The following GLRB variants were observed in gnomAD, a reference collection of about 807,000 sequenced individuals.
GLRB encodes the protein glycine receptor beta.
In GLRB, 33 loss-of-function variants were observed where a neutral mutation model predicts 54.2. That is an observed-to-expected ratio of 0.61 (90% CI 0.46 to 0.81). The LOEUF (loss-of-function observed/expected upper bound fraction) is 0.81, where lower values mean the gene tolerates loss of function less well. Among genes scored for constraint, GLRB ranks in the 40% least tolerant of loss-of-function variants. The pLI, the probability that GLRB is intolerant of heterozygous loss-of-function variation, is 0.00. For synonymous variants in GLRB, 209 were observed against 208.2 expected (o/e 1.00, Z -0.03); for missense variants, 572 against 584.6 (o/e 0.98, Z 0.22).
At chr4:157,083,632 T>C (rs1156357234) in intron 2 of GLRB, among the ~76,000 whole-genome samples, 3 of 152,178 alleles carry the variant, frequency 2.0e-5, no homozygotes, top group African/African-American at 4.8e-5. Flanking sequence ...TATCATTATC[T>C]AATAGCAAAG....
At chr4:157,160,236 T>G (rs1244275831) in intron 9 of GLRB, among the ~76,000 whole-genome samples, 1 of 151,316 alleles carries the variant, frequency 6.6e-6, no homozygotes, top group African/African-American at 2.5e-5. Flanking sequence ...TCTTCTTTAT[T>G]AGTCTTGCTA....
At chr4:157,159,164 T>C (rs897602871) in intron 9 of GLRB, among the ~76,000 whole-genome samples, 1 of 152,182 alleles carries the variant, frequency 6.6e-6, no homozygotes, top group Non-Finnish European at 1.5e-5. Flanking sequence ...ATGCTTGTGA[T>C]TTTTGCACGT....
At chr4:157,155,916 G>A (rs534499618) in intron 9 of GLRB, among the ~76,000 whole-genome samples, 11 of 151,866 alleles carry the variant, frequency 7.2e-5, no homozygotes, top group South Asian at 6.2e-4. Flanking sequence ...TCAAGACTGC[G>A]ATAACACAAA....
chr4:157,160,675 G>T lies in GLRB; in HGVS notation c.1197+7665G>T, dbSNP rs570094420. ...GTTTCTTAATCCTGAGTTCTAGTTTGATTGCACTGTGGTCTGAGAGACAGT... is the reference window on the plus strand; with the variant it reads ...GTTTCTTAATCCTGAGTTCTAGTTTTATTGCACTGTGGTCTGAGAGACAGT... On this transcript the variant is annotated intron_variant, in intron 9 of 9. Transcript: ENST00000264428. Among the ~76,000 whole-genome samples, 210 of 152,152 alleles carry T rather than the reference G, an allele frequency of 1.4e-3. 2 individuals are homozygous for T. Among genetic ancestry groups the T allele is most frequent in the African/African-American group, 4.7e-3 (195 of 41,490 alleles).
chr4:157,122,175 G>A (rs1351348181), intron 3 of GLRB, among the ~76,000 whole-genome samples, 155 bp from the exon 4 acceptor site: 1 of 150,154 alleles, frequency 6.7e-6, no homozygotes, highest in Non-Finnish European at 1.5e-5. Context: ...CAAGTTAATA[G>A]CAATTATGAA....
intron 8 of GLRB, 95 bp downstream of exon 8, chr4:157,144,054 G>T: frequency 1.6e-6 from 2 of 1,277,156 alleles, no homozygotes; most frequent in Non-Finnish European, 2.3e-6. Flanking sequence ...ATGAGTTTTA[G>T]AATTGTTAGC....
chr4:157,078,395 CTG>C (rs139884863), intron 2 of GLRB: 8,787 of 198,258 alleles, frequency 0.044, 217 homozygotes, highest in African/African-American at 0.054. Flanking sequence ...TTTTTATACA[CTG>C]TTTACAAAAG....
intron 2 of GLRB, among the ~76,000 whole-genome samples, chr4:157,091,790 GT>G (rs1734627784): frequency 1.3e-5 from 2 of 152,098 alleles, no homozygotes; most frequent in Admixed American, 6.6e-5. Context: ...GCACTTCTTG[GT>G]GTTCCTGGGC....
intron 8 of GLRB, among the ~76,000 whole-genome samples, chr4:157,145,973 G>A (rs932000553): frequency 9.9e-5 from 15 of 152,012 alleles, no homozygotes; most frequent in African/African-American, 3.4e-4. Flanking sequence ...AGATAACAGC[G>A]ATGAGGGGTG....
chr4:157,080,664 C>T (rs536345032), intron 2 of GLRB, among the ~76,000 whole-genome samples: 7 of 152,192 alleles, frequency 4.6e-5, no homozygotes, highest in African/African-American at 1.7e-4. Flanking sequence ...GTGTAAGTTG[C>T]TTATTTATTA....
At chr4:157,119,068 G>T (rs367982387) in intron 2 of GLRB, among the ~76,000 whole-genome samples, 3 of 151,616 alleles carry the variant, frequency 2.0e-5, no homozygotes. Context: ...GGGCTCTTAA[G>T]CAACCACCAA....
At chr4:157,076,572 G>C (rs1227626023) in intron 1 of GLRB, 1 of 152,126 alleles carries the variant, frequency 6.6e-6, no homozygotes, top group Non-Finnish European at 1.5e-5. Flanking sequence ...ATTAGGAAAC[G>C]CAAGGTTGGC....
At chr4:157,090,572 C>G (rs1734574450) in intron 2 of GLRB, among the ~76,000 whole-genome samples, 1 of 152,094 alleles carries the variant, frequency 6.6e-6, no homozygotes, top group Non-Finnish European at 1.5e-5. Context: ...AAAATTTAAC[C>G]AGTGCTAGTT....
At chr4:157,160,706 A>G (rs1054427146) in intron 9 of GLRB, among the ~76,000 whole-genome samples, 3 of 151,926 alleles carry the variant, frequency 2.0e-5, no homozygotes, top group East Asian at 1.9e-4. Context: ...ACAGTTTGTT[A>G]TAATTTCTGT....
At position 157,155,136 on chromosome 4, in the gene GLRB, T is replaced by C. The variant is rs962720785; in HGVS notation, c.1197+2126T>C. Among the ~76,000 whole-genome samples the C allele has an allele frequency of 3.9e-5, 6 of 152,184 alleles. No homozygotes were observed. The South Asian group carries it at 8.3e-4, about 21-fold the overall frequency. On this transcript the variant is annotated intron_variant, in intron 9 of 9. Coordinates refer to ENST00000264428, the MANE Select transcript of GLRB (RefSeq NM_000824.5). ...ATTTTCTGTTTAGAGAATTTCCTTG[T>C]TTTTTGTTTTTGAGGCAGAGTCTCA...
At position 157,138,947 on chromosome 4, in the gene GLRB, C is replaced by G. The variant is rs968303695; in HGVS notation, c.749C>G (p.Thr250Arg). The G allele has an allele frequency of 2.9e-6, 4 of 1,378,874 alleles. No homozygotes were observed. In the African/African-American group the frequency reaches 5.7e-5, roughly 20 times the overall value. The allele number at this position is 1,378,874 out of a possible 1,614,324, so 85.4% of individuals were successfully genotyped here. A position where few individuals can be genotyped will look rare whatever the true frequency, so the allele number is the denominator to read the frequency against. Residue 250 changes from threonine to arginine, a missense_variant and splice_region_variant, in exon 7 of 10, where the codon ACG becomes AGG. By Grantham distance (71) the Thr-to-Arg change is moderately conservative. Coordinates refer to ENST00000264428, the MANE Select transcript of GLRB (RefSeq NM_000824.5). The stretch of plus-strand genomic sequence containing the variant: ...AACTGTACAAAATACTATAAAGGCA[C>G]GGGTAAGTAATATTCTTTAAATAAA... The part of the protein sequence containing the change: ...YGNCTKYYKG[T>R]GYYTCVEVIF...
Position 157,082,963 on chromosome 4 carries a change from T to TA in GLRB, c.122+4817_122+4818insA, listed in dbSNP as rs1344786883. On this transcript the variant is annotated intron_variant, in intron 2 of 9. Coordinates refer to ENST00000264428, the MANE Select transcript of GLRB (RefSeq NM_000824.5). ...TAATTATCAGACAAATGAATAGTGT[T>TA]TTATATATATATATATATATATATA... Among the ~76,000 whole-genome samples, 362 of 122,122 alleles carry TA rather than the reference T, an allele frequency of 3.0e-3. 1 individual carries two copies. The highest frequency in any genetic ancestry group is 3.4e-3 in the Non-Finnish European group (207 of 61,532). The allele number at this position is 122,122 out of a possible 152,430, so 80.1% of individuals were successfully genotyped here.
At chr4:157,161,124 G>A (rs966292630) in intron 9 of GLRB, among the ~76,000 whole-genome samples, 2 of 152,070 alleles carry the variant, frequency 1.3e-5, no homozygotes, top group African/African-American at 4.8e-5. Flanking sequence ...GTTGGTTTAA[G>A]TCTGTTTTAT....
chr4:157,093,754 CAA>C (rs70958808), intron 2 of GLRB, among the ~76,000 whole-genome samples: 813 of 60,742 alleles, frequency 0.013, 1 homozygote, highest in African/African-American at 0.04. Context: ...GACTCCATCT[CAA>C]AAAAAAAAAA....
Sources: gnomAD v4.1 joint callset for allele counts (sites outside exome capture counted in the v4.1 genomes callset) on GRCh38, gnomAD v4.1.1 for gene constraint, MANE v1.5 for transcripts, NCBI Gene and HGNC (gene_info 2026-07-23, HGNC 2026-07-21) for gene names.